ZDHHC14: variants seen among roughly 807,000 people sequenced by gnomAD.
ZDHHC14 encodes the protein palmitoyltransferase ZDHHC14.
A neutral mutation model predicts 47.7 loss-of-function variants in ZDHHC14; 16 were observed. The observed-to-expected ratio is 0.34, with a 90% CI of 0.23 to 0.51. The LOEUF is 0.51. ZDHHC14 is among the 20% of genes least tolerant of loss of function. The pLI is 0.97. For missense variants in ZDHHC14, 515 were observed against 662.5 expected, an observed-to-expected ratio of 0.78 and a Z score of 2.44; for synonymous variants, 293 against 278.9, an observed-to-expected ratio of 1.05 and a Z score of -0.50.
At chr6:157,540,173 C>T (rs933131023) in intron 1 of ZDHHC14, among the ~76,000 whole-genome samples, 1 of 152,170 alleles carries the variant, frequency 6.6e-6, no homozygotes, top group Non-Finnish European at 1.5e-5. Context: ...GTGCAAATAC[C>T]AATCTACAGT....
intron 5 of ZDHHC14, among the ~76,000 whole-genome samples, chr6:157,642,632 C>T (rs554739782): frequency 2.0e-5 from 3 of 152,200 alleles, no homozygotes; most frequent in Non-Finnish European, 4.4e-5. Flanking sequence ...ATTTGAAACC[C>T]ATCCTCGATG....
At chr6:157,388,323 C>T (rs897576011) in intron 1 of ZDHHC14, among the ~76,000 whole-genome samples, 3 of 152,130 alleles carry the variant, frequency 2.0e-5, no homozygotes, top group Admixed American at 6.5e-5. Flanking sequence ...AAGGACTCCT[C>T]TAGGTTCCTA....
intron 1 of ZDHHC14, among the ~76,000 whole-genome samples, chr6:157,533,702 T>C (rs1024328605): frequency 9.9e-5 from 15 of 152,180 alleles, no homozygotes; most frequent in African/African-American, 2.9e-4. Context: ...AGCTGGTGCA[T>C]TGGGCACGGA....
intron 1 of ZDHHC14, among the ~76,000 whole-genome samples, chr6:157,386,757 A>G (rs1777319595): frequency 1.3e-5 from 2 of 152,238 alleles, no homozygotes; most frequent in Admixed American, 6.5e-5. Flanking sequence ...AAGGCTGTCT[A>G]TGCGATGTCG....
At chr6:157,501,832 A>G (rs1382496741) in intron 1 of ZDHHC14, among the ~76,000 whole-genome samples, 2 of 152,200 alleles carry the variant, frequency 1.3e-5, no homozygotes, top group Admixed American at 6.5e-5. Flanking sequence ...CAGATTCTCT[A>G]TTGTTAAGAA....
chr6:157,561,912 G>T (rs1315946405), intron 2 of ZDHHC14, among the ~76,000 whole-genome samples: 4 of 152,180 alleles, frequency 2.6e-5, no homozygotes, highest in African/African-American at 9.7e-5. Context: ...ACTGTGCTGG[G>T]CCCTGAATTT....
At chr6:157,531,102 C>T (rs1781347315) in intron 1 of ZDHHC14, among the ~76,000 whole-genome samples, 1 of 152,132 alleles carries the variant, frequency 6.6e-6, no homozygotes, top group Non-Finnish European at 1.5e-5. Flanking sequence ...GTGTTCATTG[C>T]TTCACCTGCA....
At chr6:157,658,546 TTGGGGGTGTGCTG>T (rs774079312) in intron 8 of ZDHHC14, among the ~76,000 whole-genome samples, 84 of 151,752 alleles carry the variant, frequency 5.5e-4, no homozygotes, top group Admixed American at 1.4e-3. Context: ...TGACACAGGA[TTGGGGGTGTGCTG>T]TGGGGCTATG....
chr6:157,657,859 C>A (rs1778172568), intron 8 of ZDHHC14, among the ~76,000 whole-genome samples: 1 of 152,170 alleles, frequency 6.6e-6, no homozygotes. Flanking sequence ...GGAAGAGGAA[C>A]ATTGGAGATG....
chr6:157,465,577 A>G (rs1381937989), intron 1 of ZDHHC14, among the ~76,000 whole-genome samples: 1 of 152,028 alleles, frequency 6.6e-6, no homozygotes, highest in Non-Finnish European at 1.5e-5. Context: ...TGGATAGTTA[A>G]TGCCGTTCTA....
chr6:157,431,478 A>G (rs959393275), intron 1 of ZDHHC14, among the ~76,000 whole-genome samples: 20 of 151,530 alleles, frequency 1.3e-4, no homozygotes, highest in Admixed American at 1.2e-3. Context: ...GGAAAGAGTG[A>G]AGGAGCTGCT....
intron 1 of ZDHHC14, among the ~76,000 whole-genome samples, chr6:157,430,909 T>C (rs1778326133): frequency 1.3e-5 from 2 of 152,352 alleles, no homozygotes; most frequent in Non-Finnish European, 2.9e-5. Context: ...TAGTCATCTC[T>C]GGAGAAAGAT....
At chr6:157,462,283 T>A (rs1427220532) in intron 1 of ZDHHC14, among the ~76,000 whole-genome samples, 1 of 152,218 alleles carries the variant, frequency 6.6e-6, no homozygotes, top group African/African-American at 2.4e-5. Context: ...GTTCACCCTT[T>A]CTATTCTTTT....
rs1380459331 is a variant in ZDHHC14, at chr6:157,381,719, G to A, written c.-303G>A. The A allele has an allele frequency of 6.9e-6, 1 of 145,074 alleles. No homozygotes were observed. The highest frequency in any genetic ancestry group is 1.5e-5 in the Non-Finnish European group (1 of 65,352). The allele number at this position is 145,074 out of a possible 1,614,324, so 9.0% of individuals were successfully genotyped here. A position where few individuals can be genotyped will look rare whatever the true frequency, so the allele number is the denominator to read the frequency against. On this transcript the variant is annotated 5_prime_UTR_variant, in exon 1 of 9. Coordinates refer to ENST00000359775, the MANE Select transcript of ZDHHC14 (RefSeq NM_024630.3). The stretch of plus-strand genomic sequence containing the variant: ...GGGGGCGGGCGCTCGGCGACCCGGG[G>A]GCCGGCCGGGCTGAGCCCCGCGCCC...
chr6:157,437,969 G>A (rs1300596538), intron 1 of ZDHHC14, among the ~76,000 whole-genome samples: 2 of 151,750 alleles, frequency 1.3e-5, no homozygotes, highest in African/African-American at 2.4e-5. Flanking sequence ...TTCTAAATAG[G>A]TATAAAGCTA....
intron 1 of ZDHHC14, among the ~76,000 whole-genome samples, chr6:157,531,590 C>T (rs1036685995): frequency 6.6e-6 from 1 of 151,948 alleles, no homozygotes; most frequent in Non-Finnish European, 1.5e-5. Flanking sequence ...CTGATTTGCC[C>T]CACCCCCCAA....
intron 1 of ZDHHC14, among the ~76,000 whole-genome samples, chr6:157,455,678 G>C (rs941121383): frequency 6.6e-6 from 1 of 152,130 alleles, no homozygotes; most frequent in African/African-American, 2.4e-5. Context: ...CCTCCGGCAG[G>C]AACCGGGCCA....
At chr6:157,510,378 T>C (rs1780434695) in intron 1 of ZDHHC14, among the ~76,000 whole-genome samples, 1 of 152,220 alleles carries the variant, frequency 6.6e-6, no homozygotes, top group African/African-American at 2.4e-5. Flanking sequence ...ATTCATCCTC[T>C]CACTGACCCC....
At chr6:157,391,886 G>A (rs931524231) in intron 1 of ZDHHC14, among the ~76,000 whole-genome samples, 6 of 151,990 alleles carry the variant, frequency 3.9e-5, no homozygotes, top group South Asian at 4.1e-4. Context: ...TGTATTTCTC[G>A]GATTCATTTA....
Sources: gnomAD v4.1 joint callset for allele counts (sites outside exome capture counted in the v4.1 genomes callset) on GRCh38, gnomAD v4.1.1 for gene constraint, MANE v1.5 for transcripts, NCBI Gene and HGNC (gene_info 2026-07-23, HGNC 2026-07-21) for gene names.